PIK3C2G: variants seen among roughly 807,000 people sequenced by gnomAD.
PIK3C2G encodes phosphatidylinositol-4-phosphate 3-kinase catalytic subunit type 2 gamma.
PIK3C2G carries 168 observed loss-of-function variants against 181.1 expected under a neutral mutation model. The observed-to-expected ratio is 0.93, with a 90% CI of 0.82 to 1.05. The LOEUF is 1.05. PIK3C2G is among the 50% of genes least tolerant of loss of function. PIK3C2G has a pLI of 0.00. For missense variants in PIK3C2G, 1,869 were observed against 1,732.8 expected (o/e 1.08, Z -1.40); for synonymous variants, 573 against 592.2 (o/e 0.97, Z 0.47).
In PIK3C2G at chr12:18,491,451, G is replaced by A. The variant is rs371746504; in HGVS notation, c.2686G>A (p.Glu896Lys). The A allele has an allele frequency of 4.7e-6, 7 of 1,476,624 alleles. No individual in the cohort carries two copies. Among genetic ancestry groups the A allele is most frequent in the Non-Finnish European group, 6.6e-6 (7 of 1,062,000 alleles). 91.5% of individuals were successfully genotyped at this position (1,476,624 alleles called of 1,614,324 possible). A position where few individuals can be genotyped will look rare whatever the true frequency, so the allele number is the denominator to read the frequency against. Residue 896 changes from glutamate (E) to lysine (K), a missense_variant and splice_region_variant, in exon 20 of 33, where the codon GAG (glutamate) becomes AAG (lysine). By Grantham distance (56) the Glu-to-Lys change is moderately conservative. Transcript: ENST00000538779. ...VKSASDHQRQ[E>K]VLKKEIGRLE... ...TCCTTTTTCTAATGATTTTTCACAG[G>A]AGGTACTGAAGAAAGAAATTGGCAG...
chr12:18,497,903 C>A (rs975277798), intron 22 of PIK3C2G, among the ~76,000 whole-genome samples, 155 bp downstream of exon 22: 1 of 152,078 alleles, frequency 6.6e-6, no homozygotes, highest in African/African-American at 2.4e-5. Context: ...GAATTATTTT[C>A]AAAAATGATA....
At chr12:18,705,371 G>T in the PIK3C2G span, 1 of 1,566,090 alleles carries the variant, frequency 6.4e-7, no homozygotes, top group Non-Finnish European at 8.8e-7. Context: ...TAATTGTAAG[G>T]CAATTAATAT....
chr12:18,339,465 G>C (rs1938909783), intron 9 of PIK3C2G, among the ~76,000 whole-genome samples: 1 of 152,078 alleles, frequency 6.6e-6, no homozygotes, highest in South Asian at 2.1e-4. Context: ...GCAAAATACA[G>C]ATTTGAACCT....
chr12:18,302,795 T>C (rs966560686), intron 5 of PIK3C2G, among the ~76,000 whole-genome samples: 7 of 151,460 alleles, frequency 4.6e-5, no homozygotes, highest in Admixed American at 1.3e-4. Context: ...CAGTGGTACT[T>C]AGGAGTACAA....
upstream of PIK3C2G, among the ~76,000 whole-genome samples, chr12:18,259,106 A>G (rs886199550): frequency 3.3e-5 from 5 of 152,160 alleles, 1 homozygote; most frequent in Admixed American, 2.0e-4. Flanking sequence ...GGGTCACTCT[A>G]TTAGGCAACA....
intron 29 of PIK3C2G, among the ~76,000 whole-genome samples, chr12:18,588,267 T>A (rs1409528271): frequency 5.9e-5 from 9 of 152,000 alleles, no homozygotes; most frequent in African/African-American, 1.9e-4. Context: ...TAATTAAACT[T>A]AAGAGCTTCT....
At chr12:18,455,937 A>G (rs777585311) in intron 18 of PIK3C2G, among the ~76,000 whole-genome samples, 3 of 152,110 alleles carry the variant, frequency 2.0e-5, no homozygotes, top group Non-Finnish European at 4.4e-5. Context: ...CTCCACTCAT[A>G]ATCTGTCAAT....
At chr12:18,528,618 G>A (rs957411539) in intron 24 of PIK3C2G, among the ~76,000 whole-genome samples, 3 of 152,120 alleles carry the variant, frequency 2.0e-5, no homozygotes, top group Non-Finnish European at 4.4e-5. Flanking sequence ...AACTATAAGA[G>A]GAAGAAATAT....
chr12:18,355,140 C>A (rs1940604530), intron 11 of PIK3C2G, among the ~76,000 whole-genome samples: 1 of 152,232 alleles, frequency 6.6e-6, no homozygotes, highest in Non-Finnish European at 1.5e-5. Context: ...TACATTGTGC[C>A]TGTTTCCTTG....
intron 6 of PIK3C2G, among the ~76,000 whole-genome samples, chr12:18,317,145 C>G (rs1950903475): frequency 6.6e-6 from 1 of 151,470 alleles, no homozygotes; most frequent in Non-Finnish European, 1.5e-5. Flanking sequence ...TCCTGAGTAG[C>G]TGGGATTGCA....
rs1239673209 is a variant in PIK3C2G, at chr12:18,398,931, C to A, written c.2127-728C>A. Among the ~76,000 whole-genome samples, 4 of 152,068 alleles carry A rather than the reference C, an allele frequency of 2.6e-5. 1 individual carries two copies. The highest frequency in any genetic ancestry group is 2.0e-4 in the Admixed American group (3 of 15,280). On this transcript the variant is annotated intron_variant, in intron 15 of 32. Transcript: ENST00000538779. Reference sequence around the variant, plus strand: ...GCCATTTTGGCCGGGCGCAGTGGCTCACGCCTGTAATCCCAGCACTTTGGG... The same window carrying A: ...GCCATTTTGGCCGGGCGCAGTGGCTAACGCCTGTAATCCCAGCACTTTGGG...
rs112277476 is a variant in PIK3C2G at position 18,522,687 on chromosome 12, A to T, written c.3324-15469A>T. ...ATTCTTTCCTTACCTTTGATTTTTG[A>T]TAATTGGAGTGTGATGTCTTGGGGA... is the stretch of plus-strand genomic sequence containing the variant. On this transcript the variant is annotated intron_variant, in intron 24 of 32. Transcript: ENST00000538779. Among the ~76,000 whole-genome samples the T allele has an allele frequency of 8.2e-3, 1,245 of 152,012 alleles. 15 individuals carry two copies. Among genetic ancestry groups the T allele is most frequent in the African/African-American group, 0.028 (1,161 of 41,484 alleles).
intron 30 of PIK3C2G, among the ~76,000 whole-genome samples, chr12:18,598,134 A>G (rs921261202): frequency 6.6e-6 from 1 of 152,176 alleles, no homozygotes; most frequent in Admixed American, 6.5e-5. Flanking sequence ...TCTTCACAGA[A>G]TTGGAAACAA....
chr12:18,694,738 G>A, the PIK3C2G span, among the ~76,000 whole-genome samples: 1 of 152,094 alleles, frequency 6.6e-6, no homozygotes, highest in Non-Finnish European at 1.5e-5. Context: ...ACAACAGGAA[G>A]ACATTTTTCA....
chr12:18,399,055 C>CT (rs1320216955), intron 15 of PIK3C2G, among the ~76,000 whole-genome samples: 1 of 115,960 alleles, frequency 8.6e-6, no homozygotes, highest in African/African-American at 3.3e-5. Flanking sequence ...ATTAGCCGGG[C>CT]GTAGTGGCGG....
At chr12:18,659,663 C>CTTTTT in the PIK3C2G span, among the ~76,000 whole-genome samples, 128 of 133,798 alleles carry the variant, frequency 9.6e-4, 1 homozygote, top group Middle Eastern at 4.0e-3. Context: ...GTTCTCCATT[C>CTTTTT]TTTTTTTTTT....
intron 6 of PIK3C2G, among the ~76,000 whole-genome samples, chr12:18,314,840 G>A (rs1408962588): frequency 2.0e-5 from 3 of 152,200 alleles, no homozygotes; most frequent in Non-Finnish European, 4.4e-5. Context: ...CTTGTTTTCT[G>A]TGAAGACTGT....
chr12:18,386,718 C>T (rs938794221), intron 14 of PIK3C2G, among the ~76,000 whole-genome samples: 2 of 151,888 alleles, frequency 1.3e-5, no homozygotes, highest in Admixed American at 6.6e-5. Flanking sequence ...TTAATTTATC[C>T]GTCAATGTAC....
intron 1 of PIK3C2G, among the ~76,000 whole-genome samples, chr12:18,252,037 T>C (rs937908686): frequency 3.9e-5 from 6 of 152,082 alleles, no homozygotes; most frequent in Admixed American, 2.0e-4. Flanking sequence ...GAACATTCAG[T>C]TAAAAAACTA....
Sources: allele counts gnomAD v4.1 joint callset (sites outside exome capture counted in the v4.1 genomes callset), GRCh38; gene constraint gnomAD v4.1.1; transcripts MANE v1.5; gene names NCBI Gene and HGNC (gene_info 2026-07-23, HGNC 2026-07-21).